Variants in FBN2 observed in about 807,000 individuals in gnomAD.
FBN2 encodes fibrillin-2.
FBN2 carries 105 observed loss-of-function variants against 355.6 expected under a neutral mutation model. The ratio of observed to expected loss-of-function variants is 0.30; its 90% CI spans 0.25 to 0.35. The LOEUF (loss-of-function observed/expected upper bound fraction) is 0.35. Among genes scored for constraint, FBN2 ranks in the 10% least tolerant of loss-of-function variants. The probability of loss-of-function intolerance (pLI) is 1.00; values close to 1 mark genes in which losing one functional copy is unlikely to be tolerated. For synonymous variants in FBN2, 1,350 were observed against 1,301.2 expected (o/e 1.04, Z -0.81); for missense variants, 3,280 against 3,758.7 (o/e 0.87, Z 3.33).
intron 36 of FBN2, among the ~76,000 whole-genome samples, chr5:128,313,098 G>T (rs1210906983): frequency 2.0e-5 from 3 of 152,120 alleles, no homozygotes; most frequent in Admixed American, 1.3e-4. Context: ...TCCAATAATA[G>T]GAATACAATA....
At chr5:128,423,524 T>C (rs1445691837) in intron 7 of FBN2, among the ~76,000 whole-genome samples, 2 of 152,016 alleles carry the variant, frequency 1.3e-5, no homozygotes, top group Non-Finnish European at 2.9e-5. Context: ...TCCCACCAGG[T>C]CCCTCCCACA....
At chr5:128,326,895 G>A (rs1319160259) in intron 34 of FBN2, among the ~76,000 whole-genome samples, 1 of 152,158 alleles carries the variant, frequency 6.6e-6, no homozygotes, top group South Asian at 2.1e-4. Flanking sequence ...CATCTTGGGG[G>A]AGAGGGAAGT....
chr5:128,514,105 G>C (rs1756212445), intron 5 of FBN2, among the ~76,000 whole-genome samples: 1 of 151,976 alleles, frequency 6.6e-6, no homozygotes, highest in Non-Finnish European at 1.5e-5. Context: ...TCTGCTTATT[G>C]TAATTTTCAT....
rs73784564 is a variant in FBN2, at chr5:128,290,432, T to C, written c.6445+300A>G. Among the ~76,000 whole-genome samples, 832 of 152,304 alleles carry C rather than the reference T, an allele frequency of 5.5e-3. 7 individuals are homozygous for C. The highest frequency in any genetic ancestry group is 0.019 in the African/African-American group (786 of 41,566). On this transcript the variant is annotated intron_variant, in intron 50 of 64. Transcript: ENST00000262464. ...ACTCCTGGAGCAACCTGGAATATAA[T>C]TTCCATTCCCTTCTTTCTCCTGCCT...
At chr5:128,527,748 A>C in intron 4 of FBN2, 124 bp downstream of exon 4, 1 of 686,964 alleles carries the variant, frequency 1.5e-6, no homozygotes, top group Non-Finnish European at 2.6e-6. Context: ...TTCAGTTTTA[A>C]GGTATGGTTT....
At chr5:128,344,176 A>G (rs1160550096) in intron 25 of FBN2, among the ~76,000 whole-genome samples, 2 of 152,224 alleles carry the variant, frequency 1.3e-5, no homozygotes, top group African/African-American at 4.8e-5. Context: ...ACTTGAGAAC[A>G]GAAGTTTGAA....
Position 128,480,026 on chromosome 5 carries a change from A to G in FBN2, c.629-15105T>C, listed in dbSNP as rs868770105. 3.9e-3 allele frequency among the ~76,000 whole-genome samples: 432 copies of G among 111,464 alleles called. 4 individuals carry two copies. The highest frequency in any genetic ancestry group is 6.3e-3 in the Non-Finnish European group (347 of 54,796). The allele number at this position is 111,464 out of a possible 152,430, so 73.1% of individuals were successfully genotyped here. ...TATATATATATATATATATATATGT[A>G]TATACACACACACACACACATATTC... On this transcript the variant is annotated intron_variant, in intron 5 of 64. Transcript: ENST00000262464.
At chr5:128,347,516 T>A (rs747479182) in intron 23 of FBN2, among the ~76,000 whole-genome samples, 1 of 152,198 alleles carries the variant, frequency 6.6e-6, no homozygotes, top group Non-Finnish European at 1.5e-5. Context: ...CTCCCTGTTG[T>A]CGCGTCACTC....
chr5:128,522,912 G>A (rs1272992588), intron 4 of FBN2, among the ~76,000 whole-genome samples: 1 of 152,152 alleles, frequency 6.6e-6, no homozygotes, highest in African/African-American at 2.4e-5. Context: ...GAGAGCAAAA[G>A]ATGTACTACA....
intron 5 of FBN2, among the ~76,000 whole-genome samples, chr5:128,493,604 T>C (rs973559225): frequency 1.3e-5 from 2 of 152,302 alleles, no homozygotes; most frequent in Non-Finnish European, 2.9e-5. Context: ...GGCTTTATTA[T>C]ATACTAACAG....
chr5:128,414,380 T>C (rs1024925329), intron 7 of FBN2, among the ~76,000 whole-genome samples: 11 of 152,162 alleles, frequency 7.2e-5, no homozygotes, highest in Non-Finnish European at 8.8e-5. Context: ...AATCATAAAA[T>C]ATGTGGTCCT....
At chr5:128,393,033 G>T in intron 10 of FBN2, 102 bp downstream of exon 10, 1 of 923,904 alleles carries the variant, frequency 1.1e-6, no homozygotes. Context: ...ACATGTGCAA[G>T]TGTGTTCATA....
chr5:128,301,298 G>T, intron 47 of FBN2, 84 bp downstream of exon 47: 2 of 1,214,778 alleles, frequency 1.6e-6, no homozygotes, highest in Non-Finnish European at 1.2e-6. Flanking sequence ...ATATTAATGA[G>T]TTCTTAAGTG....
intron 55 of FBN2, among the ~76,000 whole-genome samples, chr5:128,285,967 C>G (rs927467798): frequency 1.3e-5 from 2 of 152,078 alleles, no homozygotes; most frequent in African/African-American, 4.8e-5. Context: ...ATTTCATGTA[C>G]AGTAAGAAGA....
chr5:128,287,545 T>C (rs1749189887), intron 53 of FBN2, 115 bp from the exon 54 acceptor site: 2 of 1,118,700 alleles, frequency 1.8e-6, no homozygotes, highest in Admixed American at 3.7e-5. Flanking sequence ...ATAGTAGAAC[T>C]TACACATCTG....
intron 8 of FBN2, among the ~76,000 whole-genome samples, chr5:128,400,930 G>A (rs1330985440): frequency 6.6e-6 from 1 of 152,092 alleles, no homozygotes; most frequent in Non-Finnish European, 1.5e-5. Flanking sequence ...TCTTTCCCAT[G>A]CTATTCTCAT....
At chr5:128,520,116 C>A (rs952648302) in intron 4 of FBN2, among the ~76,000 whole-genome samples, 1 of 152,158 alleles carries the variant, frequency 6.6e-6, no homozygotes, top group Non-Finnish European at 1.5e-5. Flanking sequence ...ACAGCACACA[C>A]TCTCTTTTGC....
At chr5:128,423,831 G>C (rs555298137) in intron 7 of FBN2, among the ~76,000 whole-genome samples, 4 of 152,244 alleles carry the variant, frequency 2.6e-5, no homozygotes, top group African/African-American at 9.6e-5. Flanking sequence ...GGAGATAGGA[G>C]TCCTGAAGGA....
intron 5 of FBN2, among the ~76,000 whole-genome samples, chr5:128,474,599 T>C (rs1754960233): frequency 6.6e-6 from 1 of 152,206 alleles, no homozygotes; most frequent in Non-Finnish European, 1.5e-5. Context: ...TACACACACT[T>C]TGCTGACAGA....
Sources: gnomAD v4.1 joint callset for allele counts (sites outside exome capture counted in the v4.1 genomes callset) on GRCh38, gnomAD v4.1.1 for gene constraint, MANE v1.5 for transcripts, NCBI Gene and HGNC (gene_info 2026-07-23, HGNC 2026-07-21) for gene names.